Variants in PROCR observed in about 807,000 individuals in gnomAD.
The protein encoded by PROCR is protein C receptor.
PROCR carries 22 observed loss-of-function variants against 24.2 expected under a neutral mutation model. The ratio of observed to expected loss-of-function variants is 0.91; its 90% CI spans 0.65 to 1.30. The LOEUF (loss-of-function observed/expected upper bound fraction) is 1.30. Ranked by LOEUF, PROCR falls within the 50% of genes most tolerant of loss-of-function variation. The probability of loss-of-function intolerance (pLI) is 0.00; values close to 1 mark genes in which losing one functional copy is unlikely to be tolerated. For synonymous variants in PROCR, 137 were observed against 139.2 expected, an observed-to-expected ratio of 0.98 and a Z score of 0.11; for missense variants, 288 against 307.7, an observed-to-expected ratio of 0.94 and a Z score of 0.48.
In PROCR at chr20:35,174,937, G is replaced by A. The variant is rs745620815; in HGVS notation, c.306G>A (p.Gln102=). ...QFHGLVRLVH[Q]ERTLAFPLTI... ...ACGGCCTCGTGCGCCTGGTGCACCA[G>A]GAGCGGACCTTGGCCTGTGAGTAGG... The change falls in exon 2 of 4, where the codon CAG becomes CAA. Residue 102 remains glutamine (Q), a synonymous_variant. Coordinates refer to ENST00000216968, the MANE Select transcript of PROCR (RefSeq NM_006404.5). The A allele has an allele frequency of 6.3e-6, 10 of 1,578,646 alleles. No homozygotes were observed. The East Asian group carries it at 2.3e-4, about 36-fold the overall frequency.
intron 2 of PROCR, among the ~76,000 whole-genome samples, chr20:35,175,369 C>G (rs1278290518): frequency 2.1e-5 from 3 of 143,834 alleles, no homozygotes; most frequent in South Asian, 4.8e-4. Context: ...CTGATGACTT[C>G]GCTCTTAGCT....
downstream of PROCR, among the ~76,000 whole-genome samples, chr20:35,181,653 G>A (rs976208954): frequency 1.4e-4 from 22 of 152,240 alleles, no homozygotes; most frequent in Admixed American, 1.1e-3. Flanking sequence ...TTTAAATGAC[G>A]GAAGTGGTAC....
At chr20:35,204,756 C>A (rs921947610) in intron 1 of PROCR, among the ~76,000 whole-genome samples, 5 of 151,736 alleles carry the variant, frequency 3.3e-5, no homozygotes, top group Admixed American at 1.3e-4. Context: ...TCCAGAAAAT[C>A]AAAAAAACTT....
At chr20:35,199,248 T>C (rs2060309992) in intron 1 of PROCR, among the ~76,000 whole-genome samples, 2 of 152,146 alleles carry the variant, frequency 1.3e-5, no homozygotes, top group South Asian at 4.1e-4. Flanking sequence ...ATAGCATGGT[T>C]TACTGGATAT....
intron 1 of PROCR, among the ~76,000 whole-genome samples, chr20:35,196,349 A>C (rs2086216950): frequency 6.6e-6 from 1 of 152,136 alleles, no homozygotes; most frequent in South Asian, 2.1e-4. Context: ...AAATTTGGTT[A>C]AAGATACAAA....
At chr20:35,177,440 ATTC>A (rs2086031702), downstream of PROCR, 1 of 739,100 alleles carries the variant, frequency 1.4e-6, no homozygotes, top group Non-Finnish European at 1.6e-6. Context: ...TTTCTCACTC[ATTC>A]TTTTTTTTTT....
intron 1 of PROCR, among the ~76,000 whole-genome samples, chr20:35,184,032 T>G (rs1212522882): frequency 3.3e-5 from 5 of 152,064 alleles, no homozygotes; most frequent in Non-Finnish European, 7.3e-5. Context: ...CCATCATTCT[T>G]CACAGAGTTA....
At chr20:35,200,328 G>C (rs554708784) in intron 1 of PROCR, among the ~76,000 whole-genome samples, 3 of 152,308 alleles carry the variant, frequency 2.0e-5, no homozygotes, top group Non-Finnish European at 4.4e-5. Flanking sequence ...GTGGAAGGAA[G>C]AGTCAATTGA....
downstream of PROCR, among the ~76,000 whole-genome samples, chr20:35,178,666 C>T (rs2086050118): frequency 7.4e-6 from 1 of 135,340 alleles, no homozygotes; most frequent in African/African-American, 2.8e-5. Context: ...CAGGCGCCCG[C>T]CACTACGCCC....
intron 1 of PROCR, among the ~76,000 whole-genome samples, chr20:35,199,918 A>C (rs1456300764): frequency 6.6e-6 from 1 of 152,134 alleles, no homozygotes; most frequent in Non-Finnish European, 1.5e-5. Flanking sequence ...CATTAACAGA[A>C]ATTTGGAAGA....
chr20:35,171,184 G>A (rs1302552137), upstream of PROCR, among the ~76,000 whole-genome samples: 1 of 152,120 alleles, frequency 6.6e-6, no homozygotes, highest in African/African-American at 2.4e-5. Context: ...CATGCTCGGA[G>A]GAGTGACTTT....
Position 35,183,361 on chromosome 20 carries a change from C to T in PROCR, c.94+6915C>T, listed in dbSNP as rs117393330. Among the ~76,000 whole-genome samples, 67 of 152,148 alleles carry T rather than the reference C, an allele frequency of 4.4e-4. No homozygotes were observed. In the East Asian group the frequency reaches 0.011, roughly 26 times the overall value. ...TTCAGTTAGATTACACATGAGATCT[C>T]GTTGTTTAAAAGGATCTGAGACCTC... On this transcript the variant is annotated intron_variant, in intron 1 of 1. Transcript: ENST00000634509.
At chr20:35,205,777 A>ATATATATATATATATATATATATATC (rs2060337830) in intron 1 of PROCR, among the ~76,000 whole-genome samples, 1 of 137,754 alleles carries the variant, frequency 7.3e-6, no homozygotes, top group South Asian at 2.3e-4. Flanking sequence ...ATATATATAT[A>ATATATATATATATATATATATATATC]TATATATATA....
At chr20:35,203,764 C>A (rs2060327776) in intron 1 of PROCR, among the ~76,000 whole-genome samples, 1 of 151,896 alleles carries the variant, frequency 6.6e-6, no homozygotes, top group African/African-American at 2.4e-5. Context: ...CAAAACATAT[C>A]AAAATTTATG....
rs1381139154 is a variant in PROCR at position 35,176,833 on chromosome 20, G to A, written c.*20G>A. 1 of 1,611,088 alleles carries A rather than the reference G, an allele frequency of 6.2e-7. No homozygotes were observed. Among genetic ancestry groups the A allele is most frequent in the South Asian group, 1.1e-5 (1 of 90,294 alleles). On this transcript the variant is annotated 3_prime_UTR_variant, in exon 4 of 4. Transcript: ENST00000216968. The stretch of plus-strand genomic sequence containing the variant: ...TGTTAATTACTCTCCAGCCCCCTCA[G>A]AAGGGGCTGGATTGATGGAGGCTGG...
At chr20:35,187,315 G>A (rs1310498623) in intron 1 of PROCR, among the ~76,000 whole-genome samples, 1 of 152,158 alleles carries the variant, frequency 6.6e-6, no homozygotes, top group Non-Finnish European at 1.5e-5. Context: ...ACCTACCTGG[G>A]CCTGCCAAAG....
At chr20:35,210,494 C>T (rs1006072755) in intron 1 of PROCR, among the ~76,000 whole-genome samples, 7 of 152,016 alleles carry the variant, frequency 4.6e-5, no homozygotes, top group Non-Finnish European at 8.8e-5. Flanking sequence ...CTGCAGTAAG[C>T]TACGGTTGCG....
rs941399290 is a variant in PROCR, at chr20:35,176,597, C to T, written c.602-101C>T. 3.2e-6 allele frequency: 5 copies of T among 1,575,656 alleles called. No homozygotes were observed. The Admixed American group carries it at 5.7e-5, about 18-fold the overall frequency. On this transcript the variant is annotated intron_variant, in intron 3 of 3. Transcript: ENST00000216968. ...CACGCAGCTTCAGTCAGTTGGTAAA[C>T]GGGTCCCTTTCCTCTGGGGCAGAAA...
intron 1 of PROCR, among the ~76,000 whole-genome samples, chr20:35,197,760 C>T (rs184680594): frequency 1.3e-5 from 2 of 148,598 alleles, no homozygotes; most frequent in East Asian, 2.0e-4. Flanking sequence ...AGGCAGGGGT[C>T]ACAGTGAGCC....
Sources: gnomAD v4.1 joint callset for allele counts (sites outside exome capture counted in the v4.1 genomes callset) on GRCh38, gnomAD v4.1.1 for gene constraint, MANE v1.5 for transcripts, NCBI Gene and HGNC (gene_info 2026-07-23, HGNC 2026-07-21) for gene names.